Variants in SF3B2 observed in about 807,000 individuals in gnomAD.
SF3B2 encodes SAP 145.
In SF3B2, 22 loss-of-function variants were observed where a neutral mutation model predicts 116.3. That is an observed-to-expected ratio of 0.19 (90% CI 0.14 to 0.27). SF3B2 has a LOEUF of 0.27. SF3B2 is among the 10% of genes least tolerant of loss of function. The pLI is 1.00. For missense variants in SF3B2, 767 were observed against 1,151.4 expected (o/e 0.67, Z 4.83); for synonymous variants, 406 against 421.6 (o/e 0.96, Z 0.45).
chr11:66,061,711 A>G lies in SF3B2; in HGVS notation c.1805A>G (p.Lys602Arg). ...YEGKEFETRL[K>R]EKKPGDLSDE... is the part of the protein sequence containing the mutation. ...GGGAAGGAGTTCGAGACACGACTGA[A>G]GGAGAAGAAGCCAGGAGATCTGTCT... Residue 602 changes from lysine to arginine, a missense_variant, in exon 15 of 22, where the codon AAG becomes AGG. Physicochemically the swap from Lys to Arg is conservative, Grantham distance 26 (BLOSUM62 2). Around this residue, in one of 4 missense-constraint regions of SF3B2, gnomAD observed 282 missense variants for 568.0 expected, o/e 0.50. Transcript: ENST00000322535. 1 of 1,614,200 alleles carries G rather than the reference A, an allele frequency of 6.2e-7. No homozygotes were observed. The highest frequency in any genetic ancestry group is 8.5e-7 in the Non-Finnish European group (1 of 1,180,004).
chr11:66,057,166 TC>T, intron 6 of SF3B2, 99 bp from the exon 7 acceptor site: 4 of 912,626 alleles, frequency 4.4e-6, no homozygotes, highest in Non-Finnish European at 5.6e-6. Flanking sequence ...CGTGCCCTCC[TC>T]CCCTGCAGGT....
rs749761951 is a variant in SF3B2, at chr11:66,063,732, A to T, written c.2330+3A>T. The T allele has an allele frequency of 1.0e-5, 16 of 1,607,872 alleles. No homozygotes were observed. The Admixed American group carries it at 2.5e-4, about 25-fold the overall frequency. ...AAGATTGAGGAGGCGATGGACGGGT[A>T]AGGGTACCAGACAGGGCTGAGAGGG... On this transcript the variant is annotated splice_donor_region_variant and intron_variant, in intron 19 of 21. Coordinates refer to ENST00000322535, the MANE Select transcript of SF3B2 (RefSeq NM_006842.3).
intron 19 of SF3B2, chr11:66,064,642 A>G (rs1424968779): frequency 6.6e-6 from 1 of 152,120 alleles, no homozygotes; most frequent in East Asian, 1.9e-4. Context: ...TCTATCTGAT[A>G]TCATTTTTCC....
rs569502485 is a variant in SF3B2 at position 66,068,125 on chromosome 11, C to CCAGG, written c.2431-21_2431-18dup. 469 of 1,613,406 alleles carry CCAGG rather than the reference C, an allele frequency of 2.9e-4. 2 individuals are homozygous for CCAGG. In the African/African-American group the frequency reaches 4.9e-3, roughly 17 times the overall value. The stretch of plus-strand genomic sequence containing the variant: ...GGCTTCTCTGACTCTTTGGAGATGA[C>CCAGG]CAGGCCCTGATCTCCTTTCCAGGTT... On this transcript the variant is annotated intron_variant, in intron 20 of 21. Coordinates refer to ENST00000322535, the MANE Select transcript of SF3B2 (RefSeq NM_006842.3).
chr11:66,059,182 A>G lies in SF3B2; in HGVS notation c.1183-19A>G. The G allele has an allele frequency of 5.6e-6, 9 of 1,614,002 alleles. No homozygotes were observed. The highest frequency in any genetic ancestry group is 1.3e-5 in the African/African-American group (1 of 75,006). On this transcript the variant is annotated intron_variant, in intron 10 of 21. Coordinates refer to ENST00000322535, the MANE Select transcript of SF3B2 (RefSeq NM_006842.3). The surrounding 1 kb of genome is among the most constrained non-coding windows in gnomAD (Gnocchi z 5.0). ...AAGGGGCTCAGAGGGCAGGGGTTTC[A>G]CCTTGTCTGCCTCCTTAGCTCACTG...
chr11:66,055,043 C>T (rs1267010880), intron 3 of SF3B2, 33 bp from the exon 4 acceptor site: 1 of 1,494,576 alleles, frequency 6.7e-7, no homozygotes. Flanking sequence ...TAGATAAATG[C>T]TTCCTAGTTT....
Position 66,061,898 on chromosome 11 carries a change from A to G in SF3B2, c.1877A>G (p.His626Arg). ...SLGMPVGPNA[H>R]KVPPPWLIAM... ...GTTCTCTTTTTCCTGCAGAATGCCC[A>G]CAAGGTCCCTCCCCCATGGCTGATT... Residue 626 changes from histidine to arginine, a missense_variant, in exon 16 of 22, where the codon CAC (histidine) becomes CGC (arginine). Physicochemically the swap from His to Arg is conservative, Grantham distance 29. Coordinates refer to ENST00000322535, the MANE Select transcript of SF3B2 (RefSeq NM_006842.3). The G allele has an allele frequency of 6.2e-7, 1 of 1,612,430 alleles. No individual in the cohort carries two copies. The highest frequency in any genetic ancestry group is 1.1e-5 in the South Asian group (1 of 91,040).
chr11:66,066,269 T>C (rs1857181740), intron 19 of SF3B2: 1 of 152,230 alleles, frequency 6.6e-6, no homozygotes, highest in Non-Finnish European at 1.5e-5. Flanking sequence ...CATTATGGAT[T>C]GTATTTTCCT....
Position 66,052,537 on chromosome 11 carries a change from G to A in SF3B2, c.133+20G>A, listed in dbSNP as rs1856897996. On this transcript the variant is annotated intron_variant, in intron 1 of 21. Coordinates refer to ENST00000322535, the MANE Select transcript of SF3B2 (RefSeq NM_006842.3). ...TCCAGGGTGAGGAACACAGGAAGTCGAGGGGCCTTTACGGGCCTGCGGAGA... is the reference window on the plus strand; with the variant it reads ...TCCAGGGTGAGGAACACAGGAAGTCAAGGGGCCTTTACGGGCCTGCGGAGA... 6.2e-7 allele frequency: 1 copy of A among 1,607,996 alleles called. No individual in the cohort carries two copies. Among genetic ancestry groups the A allele is most frequent in the Admixed American group, 1.7e-5 (1 of 58,964 alleles).
intron 19 of SF3B2, chr11:66,067,591 T>C: frequency 2.1e-6 from 1 of 467,814 alleles, no homozygotes; most frequent in Non-Finnish European, 4.3e-6. Flanking sequence ...ATTCTTCGGG[T>C]GGGAACTGTT....
chr11:66,060,760 C>G (rs774500943), intron 14 of SF3B2, 29 bp downstream of exon 14: 3 of 1,611,506 alleles, frequency 1.9e-6, no homozygotes, highest in Non-Finnish European at 2.5e-6. Context: ...AGAGGTCAGG[C>G]TGGGCCTTGG....
intron 8 of SF3B2, 65 bp downstream of exon 8, chr11:66,058,215 C>T (rs1203998397): frequency 6.3e-7 from 1 of 1,576,338 alleles, no homozygotes; most frequent in African/African-American, 1.4e-5. Context: ...AGTCCTCATC[C>T]CTCTGTCCCT....
chr11:66,066,524 C>T (rs1167703889), intron 19 of SF3B2: 3 of 152,172 alleles, frequency 2.0e-5, no homozygotes, highest in Non-Finnish European at 2.9e-5. Flanking sequence ...TATTCCTGTA[C>T]ATTTTCTTCA....
intron 9 of SF3B2, 53 bp downstream of exon 9, chr11:66,058,458 CG>C: frequency 7.3e-7 from 1 of 1,376,652 alleles, no homozygotes; most frequent in Non-Finnish European, 1.0e-6. Flanking sequence ...GACTTGGGTA[CG>C]GAAATAACAC....
intron 9 of SF3B2, 133 bp downstream of exon 9, chr11:66,058,538 T>TA: frequency 1.4e-6 from 1 of 693,986 alleles, no homozygotes; most frequent in Non-Finnish European, 2.4e-6. Context: ...ATCTTATAGA[T>TA]ATTTTTCATT....
At chr11:66,067,711 CCTTGA>C (rs1857212424) in intron 19 of SF3B2, 1 of 532,070 alleles carries the variant, frequency 1.9e-6, no homozygotes, top group Non-Finnish European at 3.4e-6. Context: ...GTCTGTGATC[CCTTGA>C]CTTGATTCAG....
Position 66,052,661 on chromosome 11 carries a change from T to G in SF3B2, c.134-12T>G. 6.3e-7 allele frequency: 1 copy of G among 1,597,100 alleles called. No homozygotes were observed. The highest frequency in any genetic ancestry group is 8.5e-7 in the Non-Finnish European group (1 of 1,172,776). ...CTGGCCTGCCCCATTGATCGTGTAC[T>G]TTGCCCTGCAGGTAATCGCGAGGAG... On this transcript the variant is annotated splice_polypyrimidine_tract_variant and intron_variant, in intron 1 of 21. Transcript: ENST00000322535.
chr11:66,062,959 A>G (rs1401743265), intron 16 of SF3B2, 50 bp from the exon 17 acceptor site: 1 of 1,308,552 alleles, frequency 7.6e-7, no homozygotes, highest in Non-Finnish European at 1.1e-6. Context: ...AGGGCTTCAG[A>G]ATTTCTTTTG....
chr11:66,068,889 G>T lies in SF3B2; in HGVS notation c.*144G>T. 1 of 671,326 alleles carries T rather than the reference G, an allele frequency of 1.5e-6. No individual in the cohort carries two copies. Among genetic ancestry groups the T allele is most frequent in the Non-Finnish European group, 2.6e-6 (1 of 387,450 alleles). 41.6% of individuals were successfully genotyped at this position (671,326 alleles called of 1,614,324 possible). ...TTTGTAAATAAAGCTGTTTCCCAAG[G>T]AAAGAGATGAATATTTAACACTCCT... On this transcript the variant is annotated 3_prime_UTR_variant, in exon 22 of 22. Coordinates refer to ENST00000322535, the MANE Select transcript of SF3B2 (RefSeq NM_006842.3).
Sources: gnomAD v4.1 joint callset for allele counts on GRCh38, gnomAD v4.1.1 for gene constraint, gnomAD v4.1.1 regional missense constraint, Gnocchi (gnomAD v3.1) non-coding constraint, MANE v1.5 for transcripts, NCBI Gene and HGNC (gene_info 2026-07-23, HGNC 2026-07-21) for gene names.